The following MEGF11 variants were observed in gnomAD, a reference collection of about 807,000 sequenced individuals.
MEGF11 encodes the protein multiple epidermal growth factor-like domains protein 11.
Under a neutral mutation model 146.6 loss-of-function variants are expected in MEGF11, and 126 were observed. The ratio of observed to expected loss-of-function variants is 0.86; its 90% CI spans 0.74 to 1.00. The LOEUF is 1.00. Among genes scored for constraint, MEGF11 ranks in the 50% least tolerant of loss-of-function variants. MEGF11 has a pLI of 0.00. For synonymous variants in MEGF11, 532 were observed against 583.4 expected (o/e 0.91, Z 1.27); for missense variants, 1,509 against 1,521.2 (o/e 0.99, Z 0.13).
chr15:66,035,954 CTGCT>C (rs1430295370), intron 5 of MEGF11, among the ~76,000 whole-genome samples: 9 of 152,270 alleles, frequency 5.9e-5, no homozygotes, highest in African/African-American at 2.2e-4. Flanking sequence ...CTCAGCCCAC[CTGCT>C]TTCAGCACAG....
At chr15:66,228,849 C>T (rs971287692) in intron 1 of MEGF11, among the ~76,000 whole-genome samples, 2 of 152,088 alleles carry the variant, frequency 1.3e-5, no homozygotes, top group Admixed American at 6.6e-5. Context: ...CACAGGATGT[C>T]CCAGAGCTGG....
rs145172692 is a variant in MEGF11 at position 65,970,597 on chromosome 15, G to C, written c.855C>G (p.His285Gln). 6.2e-7 allele frequency: 1 copy of C among 1,613,988 alleles called. No individual in the cohort carries two copies. The highest frequency in any genetic ancestry group is 8.5e-7 in the Non-Finnish European group (1 of 1,179,876). The change falls in exon 8 of 26, where the codon CAC becomes CAG. Residue 285 changes from histidine to glutamine, a missense_variant. Physicochemically the swap from His to Gln is conservative, Grantham distance 24. Coordinates refer to ENST00000395614, the MANE Select transcript of MEGF11 (RefSeq NM_001385028.1). ...CPCHHGGQCD[H>Q]VTGQCHCTAG... ...CTGTACAGTGGCACTGTCCAGTCAC[G>C]TGGTCACACTGCCCTCCATGGTGGC...
intron 1 of MEGF11, among the ~76,000 whole-genome samples, chr15:66,202,071 G>C (rs2091175336): frequency 2.0e-5 from 3 of 151,824 alleles, no homozygotes; most frequent in African/African-American, 4.8e-5. Flanking sequence ...AATGGCAGAT[G>C]GGGGGCTGAA....
chr15:66,012,501 C>T (rs2082740376), intron 5 of MEGF11, among the ~76,000 whole-genome samples: 1 of 152,220 alleles, frequency 6.6e-6, no homozygotes, highest in Admixed American at 6.5e-5. Flanking sequence ...CAACTGACTC[C>T]TCCTTTGCTT....
At chr15:65,965,180 G>T in intron 8 of MEGF11, 60 bp from the exon 9 acceptor site, 1 of 1,393,248 alleles carries the variant, frequency 7.2e-7, no homozygotes, top group Non-Finnish European at 9.8e-7. Context: ...TGTGCTTCAA[G>T]ATCCTCCAGG....
chr15:66,094,274 C>T, intron 5 of MEGF11, 128 bp downstream of exon 5: 1 of 650,528 alleles, frequency 1.5e-6, no homozygotes, highest in South Asian at 2.2e-5. Flanking sequence ...CTGATGTTCA[C>T]ACAGGCCCAG....
chr15:66,216,486 C>T (rs2091587491), intron 1 of MEGF11, among the ~76,000 whole-genome samples: 1 of 152,212 alleles, frequency 6.6e-6, no homozygotes, highest in African/African-American at 2.4e-5. Flanking sequence ...ACCCTGCACA[C>T]AGCTGGTACT....
intron 5 of MEGF11, among the ~76,000 whole-genome samples, chr15:66,062,561 T>A (rs927387954): frequency 6.6e-6 from 1 of 152,072 alleles, no homozygotes; most frequent in African/African-American, 2.4e-5. Context: ...CCCCAGTCAA[T>A]CCTCTGATGA....
chr15:66,190,170 T>A (rs1400001685), intron 1 of MEGF11, among the ~76,000 whole-genome samples: 2 of 152,224 alleles, frequency 1.3e-5, no homozygotes, highest in Non-Finnish European at 2.9e-5. Context: ...GTTAAGGACT[T>A]CTGCGCTAAT....
intron 1 of MEGF11, among the ~76,000 whole-genome samples, chr15:66,131,128 G>A (rs746107066): frequency 4.6e-5 from 7 of 152,334 alleles, no homozygotes; most frequent in South Asian, 2.1e-4. Flanking sequence ...TTGCAGAGGT[G>A]GAAAATTTTC....
chr15:66,142,112 C>T (rs2089191331), intron 1 of MEGF11, among the ~76,000 whole-genome samples: 1 of 152,174 alleles, frequency 6.6e-6, no homozygotes, highest in African/African-American at 2.4e-5. Flanking sequence ...GCCAGTTCCC[C>T]AGCAAGGCAG....
At chr15:66,186,101 G>T (rs1396166633) in intron 1 of MEGF11, among the ~76,000 whole-genome samples, 3 of 152,178 alleles carry the variant, frequency 2.0e-5, no homozygotes, top group African/African-American at 7.2e-5. Flanking sequence ...GGAAAGGAAT[G>T]GATGCCCATG....
At chr15:66,242,426 A>G (rs572215943) in intron 1 of MEGF11, among the ~76,000 whole-genome samples, 136 of 147,864 alleles carry the variant, frequency 9.2e-4, no homozygotes, top group African/African-American at 3.1e-3. Flanking sequence ...AAAGAAAGAA[A>G]GAAAGAAAGA....
intron 1 of MEGF11, among the ~76,000 whole-genome samples, chr15:66,247,287 CA>C (rs1290291259): frequency 6.6e-6 from 1 of 152,150 alleles, no homozygotes; most frequent in Non-Finnish European, 1.5e-5. Context: ...ATGTCCCCTG[CA>C]TTAGATGATT....
intron 1 of MEGF11, among the ~76,000 whole-genome samples, chr15:66,198,567 C>T (rs573995970): frequency 6.6e-6 from 1 of 152,300 alleles, no homozygotes; most frequent in South Asian, 2.1e-4. Flanking sequence ...CTCACTGTAA[C>T]CTCTGTCTCC....
chr15:65,911,712 A>G (rs1396422547), intron 21 of MEGF11, among the ~76,000 whole-genome samples: 1 of 152,178 alleles, frequency 6.6e-6, no homozygotes, highest in Non-Finnish European at 1.5e-5. Context: ...TGCCCAGCCT[A>G]CAAGGTGGTC....
chr15:66,084,972 G>T (rs185707140), intron 5 of MEGF11, among the ~76,000 whole-genome samples: 153 of 152,298 alleles, frequency 1.0e-3, no homozygotes, highest in South Asian at 6.4e-3. Flanking sequence ...GGCGGGGGAA[G>T]GGGGGACGGG....
intron 5 of MEGF11, among the ~76,000 whole-genome samples, chr15:66,087,701 G>A (rs1429200996): frequency 1.3e-5 from 2 of 152,124 alleles, no homozygotes; most frequent in African/African-American, 4.8e-5. Context: ...AGCCCTAAAC[G>A]CCTTCATCAA....
chr15:66,236,236 C>T (rs1157281197), intron 1 of MEGF11, among the ~76,000 whole-genome samples: 1 of 152,088 alleles, frequency 6.6e-6, no homozygotes, highest in Non-Finnish European at 1.5e-5. Flanking sequence ...CTTGGTGCTA[C>T]CCAAGCATCA....
Sources: allele counts gnomAD v4.1 joint callset (sites outside exome capture counted in the v4.1 genomes callset), GRCh38; gene constraint gnomAD v4.1.1; transcripts MANE v1.5; gene names NCBI Gene and HGNC (gene_info 2026-07-23, HGNC 2026-07-21).